SPPL3: variants seen among roughly 807,000 people sequenced by gnomAD.
SPPL3 encodes the protein signal peptide peptidase like 3.
SPPL3 carries 5 observed loss-of-function variants against 42.4 expected under a neutral mutation model. The observed-to-expected ratio is 0.12, with a 90% CI of 0.06 to 0.25. SPPL3 has a LOEUF of 0.25. SPPL3 is among the 10% of genes least tolerant of loss of function. SPPL3 has a pLI of 1.00. For synonymous variants in SPPL3, 195 were observed against 181.8 expected (o/e 1.07, Z -0.58); for missense variants, 235 against 489.0 (o/e 0.48, Z 4.90).
At chr12:120,807,964 A>C (rs2136999436) in intron 2 of SPPL3, among the ~76,000 whole-genome samples, 1 of 152,276 alleles carries the variant, frequency 6.6e-6, no homozygotes, top group East Asian at 1.9e-4. Context: ...AAAAGATAAA[A>C]GGTTCTGAGC....
chr12:120,879,630 A>G (rs1873218830), intron 1 of SPPL3, among the ~76,000 whole-genome samples: 1 of 152,080 alleles, frequency 6.6e-6, no homozygotes, highest in Non-Finnish European at 1.5e-5. Flanking sequence ...GCCTTTTTCA[A>G]GCTTACTTGA....
chr12:120,869,333 CA>C (rs1306696010), intron 1 of SPPL3, among the ~76,000 whole-genome samples: 3 of 152,172 alleles, frequency 2.0e-5, no homozygotes, highest in African/African-American at 4.8e-5. Context: ...TTGATTTACA[CA>C]ACAGTGCCAT....
chr12:120,899,873 A>C (rs1036647025), intron 1 of SPPL3, among the ~76,000 whole-genome samples: 4 of 133,644 alleles, frequency 3.0e-5, no homozygotes, highest in Non-Finnish European at 4.7e-5. Flanking sequence ...TGGGCGACAG[A>C]GCAAGACCCT....
intron 1 of SPPL3, among the ~76,000 whole-genome samples, chr12:120,836,703 G>GT (rs1566056347): frequency 2.0e-5 from 3 of 152,202 alleles, no homozygotes; most frequent in Admixed American, 6.5e-5. Context: ...GAAGGTGTGG[G>GT]ATATGCTTAC....
chr12:120,810,779 T>C, intron 2 of SPPL3, 30 bp downstream of exon 2: 1 of 1,553,298 alleles, frequency 6.4e-7, no homozygotes, highest in Non-Finnish European at 8.8e-7. Flanking sequence ...CACCTCCAAC[T>C]TGTATCAACC....
chr12:120,867,293 A>G (rs746763957), intron 1 of SPPL3, among the ~76,000 whole-genome samples: 5 of 152,238 alleles, frequency 3.3e-5, no homozygotes, highest in Non-Finnish European at 7.3e-5. Context: ...CAAAGTTTAT[A>G]TATATGCAGG....
intron 1 of SPPL3, among the ~76,000 whole-genome samples, chr12:120,877,019 G>A (rs1165937746): frequency 6.6e-6 from 1 of 151,546 alleles, no homozygotes; most frequent in Non-Finnish European, 1.5e-5. Flanking sequence ...AGGAATGAAA[G>A]AAGGAACATC....
intron 1 of SPPL3, among the ~76,000 whole-genome samples, chr12:120,901,277 T>C (rs934307028): frequency 5.3e-5 from 8 of 152,180 alleles, no homozygotes; most frequent in Non-Finnish European, 7.4e-5. Flanking sequence ...TATTAGTCAG[T>C]TGAATCAGGA....
intron 1 of SPPL3, chr12:120,845,636 G>A (rs1277928055): frequency 7.1e-6 from 3 of 422,922 alleles, no homozygotes; most frequent in Non-Finnish European, 1.4e-5. Context: ...TGAAGACGTT[G>A]GCAAAGATGT....
chr12:120,874,131 T>C (rs1172070332), intron 1 of SPPL3, among the ~76,000 whole-genome samples: 1 of 151,864 alleles, frequency 6.6e-6, no homozygotes, highest in African/African-American at 2.4e-5. Context: ...GAAATGTGCA[T>C]CTACAAAAAG....
intron 2 of SPPL3, among the ~76,000 whole-genome samples, chr12:120,796,857 C>T (rs1200124929): frequency 1.3e-5 from 2 of 152,080 alleles, no homozygotes; most frequent in South Asian, 4.1e-4. Flanking sequence ...AGATGATTTC[C>T]ACATATGCAT....
intron 10 of SPPL3, among the ~76,000 whole-genome samples, chr12:120,766,015 G>A (rs1868874923): frequency 2.0e-5 from 3 of 152,078 alleles, no homozygotes; most frequent in African/African-American, 7.3e-5. Context: ...CGACCAGGTG[G>A]TGTAGTGGTC....
chr12:120,833,477 G>C (rs1441255167), intron 1 of SPPL3, among the ~76,000 whole-genome samples: 1 of 152,044 alleles, frequency 6.6e-6, no homozygotes, highest in Non-Finnish European at 1.5e-5. Context: ...TTAGTATGAG[G>C]AGCAAGAGAC....
At chr12:120,836,115 G>A (rs558843519) in intron 1 of SPPL3, among the ~76,000 whole-genome samples, 10 of 152,178 alleles carry the variant, frequency 6.6e-5, no homozygotes, top group South Asian at 6.2e-4. Flanking sequence ...CACATTGTCT[G>A]TAAAGCTGGC....
rs556183163 is a variant in SPPL3, at chr12:120,887,868, G to A, written c.23+15977C>T. On this transcript the variant is annotated intron_variant, in intron 1 of 10. Transcript: ENST00000353487. ...AATTTAAAAGACAATAACAAGTGTT[G>A]GTGAAGACGTGGAGAAATTAGAATC... 1.3e-4 allele frequency among the ~76,000 whole-genome samples: 20 copies of A among 152,260 alleles called. No homozygotes were observed. The South Asian group carries it at 1.7e-3, about 13-fold the overall frequency.
At chr12:120,827,282 A>T (rs1871254756) in intron 1 of SPPL3, among the ~76,000 whole-genome samples, 1 of 150,824 alleles carries the variant, frequency 6.6e-6, no homozygotes, top group South Asian at 2.1e-4. Flanking sequence ...CTTATTTGAA[A>T]GGCCTATGAG....
chr12:120,834,274 T>C (rs1420801175), intron 1 of SPPL3, among the ~76,000 whole-genome samples: 3 of 152,210 alleles, frequency 2.0e-5, no homozygotes, highest in African/African-American at 7.2e-5. Flanking sequence ...AACACAATCA[T>C]GTGCTAACCA....
At chr12:120,845,858 TTATC>T (rs60954976) in intron 1 of SPPL3, among the ~76,000 whole-genome samples, 55,426 of 147,216 alleles carry the variant, frequency 0.38, 10,561 homozygotes, top group Admixed American at 0.42. Context: ...TTAGAATCCA[TTATC>T]TATCTATCTA....
intron 1 of SPPL3, among the ~76,000 whole-genome samples, chr12:120,839,850 T>C (rs1566057237): frequency 6.8e-6 from 1 of 148,088 alleles, no homozygotes; most frequent in Non-Finnish European, 1.5e-5. Context: ...TACACATATA[T>C]AAAAAAAAAA....
Sources: gnomAD v4.1 joint callset for allele counts (sites outside exome capture counted in the v4.1 genomes callset) on GRCh38, gnomAD v4.1.1 for gene constraint, MANE v1.5 for transcripts, NCBI Gene and HGNC (gene_info 2026-07-23, HGNC 2026-07-21) for gene names.